Variants in TNS3 observed in about 807,000 individuals in gnomAD.
TNS3 encodes tensin 3.
A neutral mutation model predicts 140.9 loss-of-function variants in TNS3; 45 were observed. The observed-to-expected ratio is 0.32, with a 90% CI of 0.25 to 0.41. The LOEUF (loss-of-function observed/expected upper bound fraction) is 0.41. Among genes scored for constraint, TNS3 ranks in the 10% least tolerant of loss-of-function variants. TNS3 has a pLI of 1.00. For synonymous variants in TNS3, 815 were observed against 788.4 expected (o/e 1.03, Z -0.56); for missense variants, 1,716 against 1,906.7 (o/e 0.90, Z 1.86).
intron 20 of TNS3, among the ~76,000 whole-genome samples, chr7:47,309,658 T>C (rs1786969876): frequency 1.3e-5 from 2 of 152,138 alleles, no homozygotes; most frequent in Admixed American, 1.3e-4. Context: ...GTTTATCCAG[T>C]GAGGTAGAAG....
At chr7:47,527,654 T>C (rs1799246743) in intron 2 of TNS3, among the ~76,000 whole-genome samples, 1 of 152,214 alleles carries the variant, frequency 6.6e-6, no homozygotes, top group African/African-American at 2.4e-5. Context: ...GGCTCAAACC[T>C]GTAATCCCAG....
intron 2 of TNS3, among the ~76,000 whole-genome samples, chr7:47,520,606 C>T (rs1341132642): frequency 6.6e-6 from 1 of 152,144 alleles, no homozygotes; most frequent in Admixed American, 6.5e-5. Context: ...CGAGTAAAGT[C>T]CGTGTGGAGG....
At position 47,412,946 on chromosome 7, in the gene TNS3, TTTG is replaced by T. The variant is rs527752249; in HGVS notation, c.647+988_647+990del. Among the ~76,000 whole-genome samples the T allele has an allele frequency of 1.9e-3, 290 of 152,286 alleles. 4 individuals carry two copies. Among genetic ancestry groups the T allele is most frequent in the South Asian group, 0.011 (52 of 4,816 alleles). Reference sequence around the variant, plus strand: ...TATATGAAAATACAATGCCAGTTTTTTTGTTGTTGTTGTTTTCTTTTTTTTTCA... The same window carrying T: ...TATATGAAAATACAATGCCAGTTTTTTTGTTGTTGTTTTCTTTTTTTTTCA... On this transcript the variant is annotated intron_variant, in intron 12 of 30. Transcript: ENST00000311160.
At chr7:47,523,168 T>G (rs1015741412) in intron 2 of TNS3, among the ~76,000 whole-genome samples, 5 of 152,058 alleles carry the variant, frequency 3.3e-5, no homozygotes, top group Non-Finnish European at 7.4e-5. Flanking sequence ...TACTGCATCC[T>G]CACATAGCCA....
At chr7:47,359,212 G>A (rs1342927457) in intron 17 of TNS3, among the ~76,000 whole-genome samples, 1 of 152,146 alleles carries the variant, frequency 6.6e-6, no homozygotes, top group East Asian at 1.9e-4. Context: ...ACTCTGCCAG[G>A]AGCAGTACTG....
chr7:47,403,842 G>T (rs944768073), intron 13 of TNS3, among the ~76,000 whole-genome samples: 2 of 152,176 alleles, frequency 1.3e-5, no homozygotes, highest in African/African-American at 4.8e-5. Context: ...AGGAGCAATG[G>T]CAAGAGATCA....
chr7:47,399,926 T>C (rs904531259), intron 15 of TNS3, among the ~76,000 whole-genome samples: 1 of 151,170 alleles, frequency 6.6e-6, no homozygotes, highest in African/African-American at 2.4e-5. Context: ...ACTATGCATC[T>C]GACAAAGAGC....
At chr7:47,539,498 C>T (rs1799721940) in intron 1 of TNS3, 1 of 256,636 alleles carries the variant, frequency 3.9e-6, no homozygotes, top group Admixed American at 4.9e-5. Flanking sequence ...CCGACTCTGA[C>T]CTCCTCCTGC....
At chr7:47,474,666 C>T (rs1797108279) in intron 4 of TNS3, among the ~76,000 whole-genome samples, 1 of 140,678 alleles carries the variant, frequency 7.1e-6, no homozygotes, top group Admixed American at 7.2e-5. Context: ...CAAAAAACAC[C>T]TCACACACAC....
chr7:47,450,746 G>T (rs2151630745), intron 4 of TNS3, among the ~76,000 whole-genome samples: 1 of 152,308 alleles, frequency 6.6e-6, no homozygotes, highest in African/African-American at 2.4e-5. Flanking sequence ...TTACCCAGGG[G>T]CCAATATGGG....
intron 26 of TNS3, 101 bp downstream of exon 26, chr7:47,292,727 T>G: frequency 3.7e-6 from 4 of 1,068,774 alleles, no homozygotes; most frequent in Non-Finnish European, 5.5e-6. Flanking sequence ...AAACTTCCAG[T>G]CTTATTATTT....
At chr7:47,347,199 G>A (rs1261837240) in intron 17 of TNS3, among the ~76,000 whole-genome samples, 1 of 152,132 alleles carries the variant, frequency 6.6e-6, no homozygotes, top group East Asian at 1.9e-4. Context: ...AGTGTAGAGT[G>A]CAGAGTAGCA....
intron 20 of TNS3, among the ~76,000 whole-genome samples, chr7:47,342,349 A>G (rs1765807760): frequency 6.6e-6 from 1 of 152,246 alleles, no homozygotes; most frequent in African/African-American, 2.4e-5. Flanking sequence ...TGTCATTTAT[A>G]TGCACATCAG....
At chr7:47,449,720 G>A (rs1159929418) in intron 4 of TNS3, among the ~76,000 whole-genome samples, 2 of 152,166 alleles carry the variant, frequency 1.3e-5, no homozygotes, top group East Asian at 3.9e-4. Flanking sequence ...TGATTCTCCT[G>A]CCTCAGCCTC....
At chr7:47,310,920 T>C (rs1326575633) in intron 20 of TNS3, among the ~76,000 whole-genome samples, 2 of 152,236 alleles carry the variant, frequency 1.3e-5, no homozygotes, top group African/African-American at 4.8e-5. Context: ...TATGGCTGCA[T>C]AGTATTCCAT....
At chr7:47,349,061 C>T (rs1309145607) in intron 17 of TNS3, among the ~76,000 whole-genome samples, 2 of 152,234 alleles carry the variant, frequency 1.3e-5, no homozygotes, top group Non-Finnish European at 2.9e-5. Context: ...GGGCCTCCCA[C>T]ACCAGAGGAG....
chr7:47,449,937 C>T (rs1312460378), intron 4 of TNS3, among the ~76,000 whole-genome samples: 1 of 152,126 alleles, frequency 6.6e-6, no homozygotes, highest in Non-Finnish European at 1.5e-5. Flanking sequence ...ACCACAACTG[C>T]AAGAAAACAA....
At chr7:47,340,113 ATATTTTTTTT>A (rs1459147775) in intron 20 of TNS3, among the ~76,000 whole-genome samples, 4 of 42,048 alleles carry the variant, frequency 9.5e-5, no homozygotes, top group African/African-American at 3.5e-4. Context: ...ATATATATAT[ATATTTTTTTT>A]TTTTTTTTTT....
In TNS3 at chr7:47,360,747, G is replaced by A. The variant is rs1421519283; in HGVS notation, c.2281+7618C>T. On this transcript the variant is annotated intron_variant, in intron 17 of 30. Coordinates refer to ENST00000311160, the MANE Select transcript of TNS3 (RefSeq NM_022748.12). ...CAGGAGTGTCTATGCCTGGTGCTGCGGTCACTCCTCCATCCTCCACCTCAG... is the reference window on the plus strand; with the variant it reads ...CAGGAGTGTCTATGCCTGGTGCTGCAGTCACTCCTCCATCCTCCACCTCAG... Among the ~76,000 whole-genome samples, 4 of 152,200 alleles carry A rather than the reference G, an allele frequency of 2.6e-5. No homozygotes were observed. In the South Asian group the frequency reaches 6.2e-4, roughly 24 times the overall value.
Sources: gnomAD v4.1 joint callset for allele counts (sites outside exome capture counted in the v4.1 genomes callset) on GRCh38, gnomAD v4.1.1 for gene constraint, MANE v1.5 for transcripts, NCBI Gene and HGNC (gene_info 2026-07-23, HGNC 2026-07-21) for gene names.